The following LRRC7 variants were observed in gnomAD, a reference collection of about 807,000 sequenced individuals.
LRRC7 encodes leucine rich repeat containing 7.
LRRC7 carries 23 observed loss-of-function variants against 175.7 expected under a neutral mutation model. The observed-to-expected ratio is 0.13, with a 90% confidence interval of 0.09 to 0.19. The LOEUF (loss-of-function observed/expected upper bound fraction) is 0.19. Among genes scored for constraint, LRRC7 ranks in the 10% least tolerant of loss-of-function variants. The pLI is 1.00. For synonymous variants in LRRC7, 685 were observed against 680.9 expected, an observed-to-expected ratio of 1.01 and a Z score of -0.09; for missense variants, 1,354 against 1,904.7, an observed-to-expected ratio of 0.71 and a Z score of 5.38.
intron 2 of LRRC7, among the ~76,000 whole-genome samples, chr1:69,738,786 C>T (rs1668395117): frequency 6.6e-6 from 1 of 151,962 alleles, no homozygotes; most frequent in African/African-American, 2.4e-5. Flanking sequence ...AATAAACTAT[C>T]AGGAATTACA....
rs574358702 is a variant in LRRC7 at position 70,139,010 on chromosome 1, A to G, written c.*17123A>G. 1 of 152,314 alleles carries G rather than the reference A, an allele frequency of 6.6e-6. No homozygotes were observed. The highest frequency in any genetic ancestry group is 6.5e-5 in the Admixed American group (1 of 15,300). 9.4% of individuals were successfully genotyped at this position (152,314 alleles called of 1,614,324 possible). ...GAAAGAGATCTGCCTACCTGCCTTT[A>G]GGAAAAAGCAATGCTTTATGTAGCT... On this transcript the variant is annotated 3_prime_UTR_variant, in exon 27 of 27. Coordinates refer to ENST00000651989, the MANE Select transcript of LRRC7 (RefSeq NM_001370785.2).
chr1:70,115,202 T>C (rs557114302), intron 26 of LRRC7, among the ~76,000 whole-genome samples: 102 of 152,332 alleles, frequency 6.7e-4, no homozygotes, highest in African/African-American at 2.3e-3. Context: ...TTTAAATAAT[T>C]ATCCTTGACT....
intron 2 of LRRC7, among the ~76,000 whole-genome samples, chr1:69,758,097 TATA>T (rs1317856747): frequency 6.6e-6 from 1 of 152,016 alleles, no homozygotes; most frequent in Non-Finnish European, 1.5e-5. Context: ...GCCTATTATA[TATA>T]ATATGTTAGA....
At chr1:70,075,571 AGAG>A (rs1279358913) in intron 23 of LRRC7, among the ~76,000 whole-genome samples, 4 of 152,210 alleles carry the variant, frequency 2.6e-5, no homozygotes, top group African/African-American at 9.6e-5. Flanking sequence ...AATGTAACTT[AGAG>A]ATTTCAAAGG....
At chr1:69,841,202 C>T (rs1681689350) in intron 7 of LRRC7, among the ~76,000 whole-genome samples, 1 of 151,876 alleles carries the variant, frequency 6.6e-6, no homozygotes, top group South Asian at 2.1e-4. Context: ...CCATTCTTTT[C>T]CTATAGAAGC....
intron 2 of LRRC7, among the ~76,000 whole-genome samples, chr1:69,686,868 G>C (rs1203130348): frequency 6.6e-6 from 1 of 151,712 alleles, no homozygotes; most frequent in African/African-American, 2.4e-5. Flanking sequence ...ATGTCCTTTA[G>C]ATGCAAAAAT....
intron 1 of LRRC7, among the ~76,000 whole-genome samples, chr1:69,587,676 A>G (rs1452912042): frequency 2.0e-5 from 3 of 152,064 alleles, no homozygotes; most frequent in Admixed American, 6.6e-5. Flanking sequence ...GGTTTCCCCC[A>G]CGCTGTTCTT....
At chr1:69,862,035 G>C (rs1198307081) in intron 7 of LRRC7, among the ~76,000 whole-genome samples, 1 of 152,134 alleles carries the variant, frequency 6.6e-6, no homozygotes, top group Admixed American at 6.5e-5. Context: ...TGTGTGTCAG[G>C]GTAGCAGGGC....
At chr1:70,045,942 C>T (rs947486239) in intron 22 of LRRC7, among the ~76,000 whole-genome samples, 1 of 152,056 alleles carries the variant, frequency 6.6e-6, no homozygotes, top group African/African-American at 2.4e-5. Context: ...TGGCCCCACC[C>T]TTGACACATA....
intron 1 of LRRC7, among the ~76,000 whole-genome samples, chr1:69,582,661 C>G (rs1300177536): frequency 6.6e-6 from 1 of 152,178 alleles, no homozygotes; most frequent in Non-Finnish European, 1.5e-5. Context: ...AAATCTTTAT[C>G]TATTTCTTTG....
chr1:69,701,858 T>A (rs1663396727), intron 2 of LRRC7, among the ~76,000 whole-genome samples: 1 of 152,230 alleles, frequency 6.6e-6, no homozygotes, highest in East Asian at 1.9e-4. Flanking sequence ...TATTCATAAC[T>A]AACAATTTAA....
intron 7 of LRRC7, among the ~76,000 whole-genome samples, chr1:69,843,054 C>G (rs1431964953): frequency 6.6e-6 from 1 of 151,944 alleles, no homozygotes; most frequent in African/African-American, 2.4e-5. Flanking sequence ...CAAAAAGTAG[C>G]TAGGCATGGT....
At chr1:70,015,996 TGCTTTGAAACCAG>T in intron 13 of LRRC7, among the ~76,000 whole-genome samples, 1 of 152,292 alleles carries the variant, frequency 6.6e-6, no homozygotes, top group African/African-American at 2.4e-5. Context: ...AAATACAAGG[TGCTTTGAAACCAG>T]ATTGAGGGAA....
At chr1:69,895,578 T>C (rs1194318989) in intron 7 of LRRC7, among the ~76,000 whole-genome samples, 1 of 152,148 alleles carries the variant, frequency 6.6e-6, no homozygotes, top group Non-Finnish European at 1.5e-5. Flanking sequence ...GCCCCAACGG[T>C]GTCCCCAAGG....
intron 1 of LRRC7, among the ~76,000 whole-genome samples, chr1:69,670,433 G>T (rs978285632): frequency 1.3e-5 from 2 of 152,164 alleles, no homozygotes; most frequent in African/African-American, 4.8e-5. Context: ...CTGTGGGTGG[G>T]ATGATACCAT....
chr1:69,754,790 A>G (rs2100912204), intron 2 of LRRC7, among the ~76,000 whole-genome samples: 2 of 152,148 alleles, frequency 1.3e-5, no homozygotes, highest in South Asian at 2.1e-4. Flanking sequence ...AAGTTGTGAG[A>G]TGCCTATAAA....
intron 2 of LRRC7, among the ~76,000 whole-genome samples, chr1:69,738,438 C>T (rs1382636672): frequency 2.0e-5 from 3 of 152,072 alleles, no homozygotes; most frequent in South Asian, 4.1e-4. Context: ...AAATATTTTT[C>T]TTCATCTTTT....
chr1:69,713,000 C>T (rs983517062), intron 2 of LRRC7, among the ~76,000 whole-genome samples: 29 of 152,226 alleles, frequency 1.9e-4, no homozygotes, highest in Admixed American at 6.5e-4. Context: ...TCTCCCTGAA[C>T]GTGGAGGGGC....
chr1:69,689,411 C>A (rs1464417480), intron 2 of LRRC7, among the ~76,000 whole-genome samples: 1 of 151,628 alleles, frequency 6.6e-6, no homozygotes, highest in Admixed American at 6.6e-5. Context: ...TCCTCATTTT[C>A]CCTCTCTGGA....
Sources: gnomAD v4.1 joint callset for allele counts (sites outside exome capture counted in the v4.1 genomes callset) on GRCh38, gnomAD v4.1.1 for gene constraint, MANE v1.5 for transcripts, NCBI Gene and HGNC (gene_info 2026-07-23, HGNC 2026-07-21) for gene names.